The following MEAK7 variants were observed in gnomAD, a reference collection of about 807,000 sequenced individuals.
MEAK7 encodes the protein MTOR associated protein MEAK7.
In MEAK7, 68 loss-of-function variants were observed where a neutral mutation model predicts 40.5. The ratio of observed to expected loss-of-function variants is 1.68; its 90% confidence interval spans 1.38 to 2.06. The LOEUF (loss-of-function observed/expected upper bound fraction) is 2.06, where lower values mean the gene tolerates loss of function less well. MEAK7 is among the 30% of genes most tolerant of loss of function. MEAK7 has a pLI of 0.00. For missense variants in MEAK7, 918 were observed against 580.5 expected, an observed-to-expected ratio of 1.58 and a Z score of -5.98; for synonymous variants, 338 against 231.9, an observed-to-expected ratio of 1.46 and a Z score of -4.16.
rs200983125 is a variant in MEAK7, at chr16:84,497,984, T to C, written c.103A>G (p.Lys35Glu). 11 of 1,614,212 alleles carry C rather than the reference T, an allele frequency of 6.8e-6. No homozygotes were observed. Among genetic ancestry groups the C allele is most frequent in the Non-Finnish European group, 9.3e-6 (11 of 1,180,038 alleles). The change falls in exon 2 of 8, where the codon AAA becomes GAA. Residue 35 changes from lysine (K) to glutamate (E), a missense_variant. Coordinates refer to ENST00000343629, the MANE Select transcript of MEAK7 (RefSeq NM_020947.4). The stretch of plus-strand genomic sequence containing the variant: ...TTGGATGAGACATTCGGGCTGTTTT[T>C]ATCTGATGACAGAGCATCAAACAAT... ...DQLFDALSSD[K>E]NSPNVSSKSF...
At chr16:84,503,206 TA>T (rs11284965) in intron 1 of MEAK7, among the ~76,000 whole-genome samples, 149,156 of 151,938 alleles carry the variant, frequency 0.98, 73,270 homozygotes, top group Non-Finnish European at 1. Flanking sequence ...ACATATATGG[TA>T]AAAAAAAAAT....
rs894989003 is a variant in MEAK7 at position 84,478,665 on chromosome 16, C to G, written c.*1248G>C. 1.5e-4 allele frequency: 23 copies of G among 152,124 alleles called. No homozygotes were observed. Among genetic ancestry groups the G allele is most frequent in the African/African-American group, 4.1e-4 (17 of 41,410 alleles). 9.4% of individuals were successfully genotyped at this position (152,124 alleles called of 1,614,324 possible). ...TGGGCAGATGGCAGCTCTGCTGACC[C>G]CACAACCCACCTACACGATCTTCAG... On this transcript the variant is annotated 3_prime_UTR_variant, in exon 8 of 8. Transcript: ENST00000343629.
intron 1 of MEAK7, among the ~76,000 whole-genome samples, chr16:84,501,341 C>T (rs1914490486): frequency 6.6e-6 from 1 of 152,014 alleles, no homozygotes; most frequent in Non-Finnish European, 1.5e-5. Context: ...TGGGGGAGGG[C>T]AGCAGAGGGC....
chr16:84,489,496 A>T, intron 3 of MEAK7, 74 bp from the exon 4 acceptor site: 1 of 1,496,448 alleles, frequency 6.7e-7, no homozygotes. Context: ...CACATGGAGA[A>T]GGGCAATTTT....
In MEAK7 at chr16:84,486,858, C is replaced by T; in HGVS notation, c.731G>A (p.Ser244Asn). ...CATGACAGAGAGGACATCCAGGATG[C>T]TCTCAAAACCCCTGCCCTGGTCCAC... ...RQVDQGRGFE[S>N]ILDVLSVMYI... The change falls in exon 5 of 8, where the codon AGC becomes AAC. Residue 244 changes from serine to asparagine, a missense_variant. Ser to Asn is a conservative substitution (Grantham distance 46). Coordinates refer to ENST00000343629, the MANE Select transcript of MEAK7 (RefSeq NM_020947.4). 6.2e-7 allele frequency: 1 copy of T among 1,614,184 alleles called. No individual in the cohort carries two copies. Among genetic ancestry groups the T allele is most frequent in the South Asian group, 1.1e-5 (1 of 91,082 alleles).
rs181461293 is a variant in MEAK7 at position 84,500,545 on chromosome 16, C to G, written c.-25-2434G>C. On this transcript the variant is annotated intron_variant, in intron 1 of 7. Coordinates refer to ENST00000343629, the MANE Select transcript of MEAK7 (RefSeq NM_020947.4). ...TGCCCCTCTGCACAGGAAGTCTCCACTGGGGGGCTCCTTGGAAGGGGATGG... is the reference window on the plus strand; with the variant it reads ...TGCCCCTCTGCACAGGAAGTCTCCAGTGGGGGGCTCCTTGGAAGGGGATGG... Among the ~76,000 whole-genome samples, 81 of 152,286 alleles carry G rather than the reference C, an allele frequency of 5.3e-4. 2 individuals carry two copies. The highest frequency in any genetic ancestry group is 4.8e-3 in the Admixed American group (74 of 15,302).
At chr16:84,497,874 A>G in intron 2 of MEAK7, 60 bp downstream of exon 2, 1 of 1,605,284 alleles carries the variant, frequency 6.2e-7, no homozygotes, top group Admixed American at 1.7e-5. Context: ...CTGGCCTGAA[A>G]GCCACAGTTT....
rs747338780 is a variant in MEAK7 at position 84,486,761 on chromosome 16, T to A, written c.828A>T (p.Gly276=). ...WCLLFSSELH[G]HSFSQLCGHI... ...GGCCACAGAGCTGGGAGAAGCTGTG[T>A]CCATGGAGCTCAGACGAAAAGAGCA... Residue 276 remains glycine, a synonymous_variant, in exon 5 of 8, where the codon GGA becomes GGT. Transcript: ENST00000343629. 6.2e-7 allele frequency: 1 copy of A among 1,613,952 alleles called. No homozygotes were observed. The highest frequency in any genetic ancestry group is 2.2e-5 in the East Asian group (1 of 44,878).
chr16:84,504,150 G>T (rs1009891986), intron 1 of MEAK7: 1 of 985,388 alleles, frequency 1.0e-6, no homozygotes, highest in African/African-American at 1.7e-5. Context: ...TCACTGTCCT[G>T]GAAAAGCCCA....
intron 5 of MEAK7, 112 bp from the exon 6 acceptor site, chr16:84,482,822 C>T: frequency 1.3e-6 from 2 of 1,485,654 alleles, no homozygotes; most frequent in Non-Finnish European, 1.8e-6. Context: ...AGACCCTTCT[C>T]ACCCATGTCC....
rs2241631 is a variant in MEAK7 at position 84,482,354 on chromosome 16, T to C, written c.1077+238A>G. On this transcript the variant is annotated intron_variant, in intron 6 of 7. Transcript: ENST00000343629. Reference sequence around the variant, plus strand: ...CCAGAAAAATGGGCCAAGTGTGCCATCTGCACACAAACCACTGAGAAGCCC... The same window carrying C: ...CCAGAAAAATGGGCCAAGTGTGCCACCTGCACACAAACCACTGAGAAGCCC... 0.055 allele frequency among the ~76,000 whole-genome samples: 8,300 copies of C among 152,278 alleles called. 613 individuals are homozygous for C. The highest frequency in any genetic ancestry group is 0.33 in the East Asian group (1,724 of 5,168).
At chr16:84,493,141 G>C (rs1243641678) in intron 3 of MEAK7, among the ~76,000 whole-genome samples, 1 of 152,174 alleles carries the variant, frequency 6.6e-6, no homozygotes, top group African/African-American at 2.4e-5. Context: ...CTGTGATTCT[G>C]ATGTGTCTTA....
intron 1 of MEAK7, among the ~76,000 whole-genome samples, chr16:84,501,556 G>C (rs380010): frequency 0.45 from 68,712 of 151,996 alleles, 18,366 homozygotes; most frequent in Non-Finnish European, 0.61. Flanking sequence ...CAGGAACCCA[G>C]AAATGCACAG....
intron 5 of MEAK7, among the ~76,000 whole-genome samples, chr16:84,484,145 G>A (rs954618914): frequency 1.4e-4 from 22 of 152,214 alleles, no homozygotes; most frequent in African/African-American, 5.3e-4. Context: ...ACAGAGTTCA[G>A]GCCTCAGCTG....
At chr16:84,483,562 G>A (rs985000039) in intron 5 of MEAK7, among the ~76,000 whole-genome samples, 4 of 152,206 alleles carry the variant, frequency 2.6e-5, no homozygotes, top group Middle Eastern at 3.2e-3. Flanking sequence ...CAAATTGGGG[G>A]CACCATGATG....
intron 6 of MEAK7, 112 bp downstream of exon 6, chr16:84,482,480 A>T: frequency 6.5e-7 from 1 of 1,535,482 alleles, no homozygotes; most frequent in Non-Finnish European, 8.9e-7. Context: ...GGCGTGCGTG[A>T]GGAACTGAAT....
chr16:84,500,908 C>T (rs561829802), intron 1 of MEAK7, among the ~76,000 whole-genome samples: 2 of 152,068 alleles, frequency 1.3e-5, no homozygotes, highest in South Asian at 2.1e-4. Context: ...GGTTGGCCAA[C>T]GACATGAAAC....
At chr16:84,501,324 G>A (rs1166314804) in intron 1 of MEAK7, among the ~76,000 whole-genome samples, 1 of 151,908 alleles carries the variant, frequency 6.6e-6, no homozygotes, top group Admixed American at 6.6e-5. Flanking sequence ...GTGGAACTCA[G>A]GGCACGTGGG....
At chr16:84,504,205 C>T (rs1196251812) in intron 1 of MEAK7, 17 of 966,006 alleles carry the variant, frequency 1.8e-5, no homozygotes, top group Non-Finnish European at 2.0e-5. Context: ...CCTCCACACA[C>T]ACTTCAGTGT....
Sources: allele counts gnomAD v4.1 joint callset (sites outside exome capture counted in the v4.1 genomes callset), GRCh38; gene constraint gnomAD v4.1.1; transcripts MANE v1.5; gene names NCBI Gene and HGNC (gene_info 2026-07-23, HGNC 2026-07-21).